Variants in DGKD observed in about 807,000 individuals in gnomAD.
DGKD encodes the protein diacylglycerol kinase delta, also known as DAG kinase delta.
A neutral mutation model predicts 154.4 loss-of-function variants in DGKD; 68 were observed. The ratio of observed to expected loss-of-function variants is 0.44; its 90% CI spans 0.36 to 0.54. DGKD has a LOEUF of 0.54. Among genes scored for constraint, DGKD ranks in the 20% least tolerant of loss-of-function variants. The probability of loss-of-function intolerance (pLI) is 0.00; values close to 1 mark genes in which losing one functional copy is unlikely to be tolerated. For synonymous variants in DGKD, 693 were observed against 638.0 expected, an observed-to-expected ratio of 1.09 and a Z score of -1.30; for missense variants, 1,343 against 1,593.6, an observed-to-expected ratio of 0.84 and a Z score of 2.68.
Position 233,449,914 on chromosome 2 carries a change from C to A in DGKD, c.1889-68C>A, listed in dbSNP as rs951802749. 3.5e-5 allele frequency: 52 copies of A among 1,504,948 alleles called. No homozygotes were observed. The highest frequency in any genetic ancestry group is 4.1e-5 in the Non-Finnish European group (46 of 1,123,920). The allele number at this position is 1,504,948 out of a possible 1,614,324, so 93.2% of individuals were successfully genotyped here. ...CCGTGGGGTGAGGATGAGGGGCCCT[C>A]CACCCAGCCTGACAGCGCCCTTGGC... On this transcript the variant is annotated intron_variant, in intron 15 of 29. Coordinates refer to ENST00000264057, the MANE Select transcript of DGKD (RefSeq NM_152879.3). The surrounding 1 kb of genome is among the most constrained non-coding windows in gnomAD (Gnocchi z 5.3).
rs1439453607 is a variant in DGKD at position 233,449,212 on chromosome 2, A to G, written c.1724A>G (p.Glu575Gly). 1 of 1,613,914 alleles carries G rather than the reference A, an allele frequency of 6.2e-7. No individual in the cohort carries two copies. The highest frequency in any genetic ancestry group is 1.7e-5 in the Admixed American group (1 of 60,024). ...CCCCCCACCATTGCCGAGGAGGCTG[A>G]AGATGGAGATGGGTCGGGCAGCATC... ...NPPPTIAEEA[E>G]DGDGSGSICG... Residue 575 changes from glutamate (E) to glycine (G), a missense_variant, in exon 15 of 30, where the codon GAA (glutamate) becomes GGA (glycine). Glu to Gly is a moderately conservative substitution (Grantham distance 98). This residue lies in a region of DGKD where 409 missense variants were observed against 446.0 expected (regional missense o/e 0.92). Coordinates refer to ENST00000264057, the MANE Select transcript of DGKD (RefSeq NM_152879.3). This position sits in a 1 kb window ranked among gnomAD's most constrained non-coding sequence, Gnocchi z 5.3.
At position 233,388,374 on chromosome 2, in the gene DGKD, C is replaced by T; in HGVS notation, c.267+7C>T. On this transcript the variant is annotated splice_region_variant and intron_variant, in intron 2 of 29. Coordinates refer to ENST00000264057, the MANE Select transcript of DGKD (RefSeq NM_152879.3). ...CTATGCCAAAACGGCAAAGGTGAGGCCCCATGCAGGAAAGCACACGCGAGG... is the reference window on the plus strand; with the variant it reads ...CTATGCCAAAACGGCAAAGGTGAGGTCCCATGCAGGAAAGCACACGCGAGG... 3.1e-6 allele frequency: 5 copies of T among 1,610,170 alleles called. No individual in the cohort carries two copies. Among genetic ancestry groups the T allele is most frequent in the Non-Finnish European group, 4.2e-6 (5 of 1,178,298 alleles).
intron 1 of DGKD, among the ~76,000 whole-genome samples, chr2:233,371,163 C>T (rs970364338): frequency 2.0e-5 from 3 of 152,114 alleles, no homozygotes; most frequent in Non-Finnish European, 2.9e-5. Context: ...ATTGTATGTT[C>T]CCTCCAGCAG....
chr2:233,445,456 G>A lies in DGKD; in HGVS notation c.1195-167G>A, dbSNP rs959129613. Among the ~76,000 whole-genome samples the A allele has an allele frequency of 6.6e-6, 1 of 152,148 alleles. No individual in the cohort carries two copies. Among genetic ancestry groups the A allele is most frequent in the Non-Finnish European group, 1.5e-5 (1 of 68,018 alleles). On this transcript the variant is annotated intron_variant, in intron 10 of 29. Coordinates refer to ENST00000264057, the MANE Select transcript of DGKD (RefSeq NM_152879.3). This position sits in a 1 kb window ranked among gnomAD's most constrained non-coding sequence, Gnocchi z 5.5. ...CTCATTGCCAAGGAAAATGCCATCT[G>A]TCCCCTCCAGTGGGCTCTGCCTGTA...
At position 233,441,733 on chromosome 2, in the gene DGKD, C is replaced by T. The variant is rs545193261; in HGVS notation, c.1086-154C>T. 6.2e-4 allele frequency among the ~76,000 whole-genome samples: 94 copies of T among 152,202 alleles called. No individual in the cohort carries two copies. Among genetic ancestry groups the T allele is most frequent in the African/African-American group, 2.1e-3 (87 of 41,524 alleles). On this transcript the variant is annotated intron_variant, in intron 9 of 29. Coordinates refer to ENST00000264057, the MANE Select transcript of DGKD (RefSeq NM_152879.3). The surrounding 1 kb of genome is among the most constrained non-coding windows in gnomAD (Gnocchi z 5.6). ...TGACAAAGTGGACCCTGAGTGGAGGCGGCTGGTGTCACGTGGCAGGGCCTG... is the reference window on the plus strand; with the variant it reads ...TGACAAAGTGGACCCTGAGTGGAGGTGGCTGGTGTCACGTGGCAGGGCCTG...
At chr2:233,372,970 A>G (rs1053876879) in intron 1 of DGKD, among the ~76,000 whole-genome samples, 15 of 152,350 alleles carry the variant, frequency 9.8e-5, no homozygotes, top group African/African-American at 3.6e-4. Context: ...AGCTTAGGAC[A>G]AACCCCACCA....
At chr2:233,434,542 T>C (rs2062628104) in intron 4 of DGKD, 58 bp downstream of exon 4, 2 of 1,534,568 alleles carry the variant, frequency 1.3e-6, no homozygotes, top group Non-Finnish European at 1.8e-6. Flanking sequence ...CACCCCAGTG[T>C]CTGCTGTCTG....
intron 12 of DGKD, 136 bp from the exon 13 acceptor site, chr2:233,447,951 T>G (rs1048007087): frequency 9.3e-6 from 14 of 1,499,986 alleles, no homozygotes; most frequent in East Asian, 7.2e-5. Context: ...CTTGGCTGGG[T>G]CAGACAGTGT....
intron 3 of DGKD, among the ~76,000 whole-genome samples, chr2:233,413,455 G>A (rs767122907): frequency 2.0e-5 from 3 of 151,526 alleles, no homozygotes; most frequent in Non-Finnish European, 4.4e-5. Flanking sequence ...GACATTTTCT[G>A]CATTCTCTTC....
chr2:233,385,963 C>A (rs1159062676), intron 1 of DGKD: 4 of 470,936 alleles, frequency 8.5e-6, no homozygotes, highest in Admixed American at 7.1e-5. Context: ...ATCGCAGACT[C>A]TCATCCGCCC....
At chr2:233,422,484 C>T (rs1294055838) in intron 3 of DGKD, among the ~76,000 whole-genome samples, 6 of 152,198 alleles carry the variant, frequency 3.9e-5, no homozygotes, top group Non-Finnish European at 7.3e-5. Context: ...CATTTCTACC[C>T]ACCCCTCCTG....
Position 233,445,675 on chromosome 2 carries a change from TGGGCTG to T in DGKD, c.1253_1258del (p.Trp418_Gly419del). On this transcript the variant is annotated inframe_deletion, in exon 11 of 30. Transcript: ENST00000264057. The surrounding 1 kb of genome is among the most constrained non-coding windows in gnomAD (Gnocchi z 5.5). ...ACAGGGAACGACTTGGCCCGAGTAC[TGGGCTG>T]GGGCTCAGCCTGCGATGACGACACC... 1 of 1,613,574 alleles carries T rather than the reference TGGGCTG, an allele frequency of 6.2e-7. No homozygotes were observed. The highest frequency in any genetic ancestry group is 8.5e-7 in the Non-Finnish European group (1 of 1,179,804).
chr2:233,406,727 AG>A (rs2061695103), intron 3 of DGKD, among the ~76,000 whole-genome samples: 1 of 152,208 alleles, frequency 6.6e-6, no homozygotes, highest in South Asian at 2.1e-4. Context: ...CCAGACTGCC[AG>A]AAGGGGTCCA....
intron 9 of DGKD, among the ~76,000 whole-genome samples, chr2:233,439,824 G>T (rs527350494): frequency 1.3e-5 from 2 of 152,192 alleles, no homozygotes; most frequent in East Asian, 3.9e-4. Flanking sequence ...CAAACTCCTG[G>T]AGCCAAATGA....
chr2:233,400,906 G>A (rs1458183409), intron 3 of DGKD, among the ~76,000 whole-genome samples: 2 of 152,132 alleles, frequency 1.3e-5, no homozygotes, highest in African/African-American at 4.8e-5. Flanking sequence ...TATGAGGGAA[G>A]TTTTATGCTA....
chr2:233,460,115 G>T (rs765360170), intron 23 of DGKD, 79 bp from the exon 24 acceptor site: 5 of 1,547,188 alleles, frequency 3.2e-6, no homozygotes. Context: ...TTGTGATCTC[G>T]TTGGCATCCC....
intron 3 of DGKD, among the ~76,000 whole-genome samples, chr2:233,409,613 A>G (rs2061772951): frequency 1.3e-5 from 2 of 152,008 alleles, no homozygotes; most frequent in Non-Finnish European, 2.9e-5. Flanking sequence ...GTTTCACAGT[A>G]CATAGTGGTA....
rs748393004 is a variant in DGKD, at chr2:233,454,312, C to T, written c.2265-451C>T. ...TGGTAATAAAAATGAAGCGCTAACACATGTTATAACATGGATGAACTTTGA... is the reference window on the plus strand; with the variant it reads ...TGGTAATAAAAATGAAGCGCTAACATATGTTATAACATGGATGAACTTTGA... On this transcript the variant is annotated intron_variant, in intron 18 of 29. Coordinates refer to ENST00000264057, the MANE Select transcript of DGKD (RefSeq NM_152879.3). The T allele has an allele frequency of 5.3e-4, 242 of 457,510 alleles. 2 individuals are homozygous for T. The highest frequency in any genetic ancestry group is 2.2e-5 in the Non-Finnish European group (5 of 222,284). 28.3% of individuals were successfully genotyped at this position (457,510 alleles called of 1,614,324 possible). A position where few individuals can be genotyped will look rare whatever the true frequency, so the allele number is the denominator to read the frequency against.
At chr2:233,437,514 G>A (rs2062739546) in intron 8 of DGKD, 35 bp downstream of exon 8, 6 of 1,581,266 alleles carry the variant, frequency 3.8e-6, no homozygotes, top group Non-Finnish European at 4.3e-6. Context: ...TCTCATGCAC[G>A]CCCACACGCT....
Sources: gnomAD v4.1 joint callset for allele counts (sites outside exome capture counted in the v4.1 genomes callset) on GRCh38, gnomAD v4.1.1 for gene constraint, gnomAD v4.1.1 regional missense constraint, Gnocchi (gnomAD v3.1) non-coding constraint, MANE v1.5 for transcripts, NCBI Gene and HGNC (gene_info 2026-07-23, HGNC 2026-07-21) for gene names.